NCAPG2: variants seen among roughly 807,000 people sequenced by gnomAD.
NCAPG2 encodes condensin-2 complex subunit G2.
NCAPG2 carries 53 observed loss-of-function variants against 141.1 expected under a neutral mutation model. The observed-to-expected ratio is 0.38, with a 90% CI of 0.30 to 0.47. The LOEUF (loss-of-function observed/expected upper bound fraction) is 0.47, where lower values mean the gene tolerates loss of function less well. Among genes scored for constraint, NCAPG2 ranks in the 20% least tolerant of loss-of-function variants. The pLI, the probability that NCAPG2 is intolerant of heterozygous loss-of-function variation, is 0.99. For synonymous variants in NCAPG2, 499 were observed against 490.7 expected (o/e 1.02, Z -0.22); for missense variants, 1,087 against 1,389.0 (o/e 0.78, Z 3.46).
Position 158,680,766 on chromosome 7 carries a change from C to G in NCAPG2, c.975G>C (p.Glu325Asp), listed in dbSNP as rs182403876. The part of the protein sequence containing the change: ...HQKKVRQGVE[E>D]MLYRLYKPIL... The stretch of plus-strand genomic sequence containing the variant: ...TGGGCTTATATAATCTATAAAGCAT[C>G]TCTTCCACTCCCTGCCGAACTTTCT... Residue 325 changes from glutamate (E) to aspartate (D), a missense_variant, in exon 10 of 28, where the codon GAG (glutamate) becomes GAC (aspartate). Coordinates refer to ENST00000356309, the MANE Select transcript of NCAPG2 (RefSeq NM_017760.7). 2.5e-6 allele frequency: 4 copies of G among 1,605,354 alleles called. No individual in the cohort carries two copies. The highest frequency in any genetic ancestry group is 1.7e-5 in the Admixed American group (1 of 59,386).
chr7:158,635,671 G>A (rs1034407548), intron 27 of NCAPG2, among the ~76,000 whole-genome samples: 3 of 152,026 alleles, frequency 2.0e-5, no homozygotes, highest in Non-Finnish European at 4.4e-5. Context: ...ATGCTATATC[G>A]GATGAGGCAA....
intron 27 of NCAPG2, among the ~76,000 whole-genome samples, chr7:158,643,485 A>G (rs1293255831): frequency 6.6e-6 from 1 of 152,236 alleles, no homozygotes; most frequent in Non-Finnish European, 1.5e-5. Flanking sequence ...CCTACAAACC[A>G]AATTTTCTAG....
At chr7:158,668,488 A>G in intron 13 of NCAPG2, 2 of 895,638 alleles carry the variant, frequency 2.2e-6, no homozygotes, top group African/African-American at 1.8e-5. Context: ...TTTTAGAGAT[A>G]CATTCTGAAA....
intron 27 of NCAPG2, among the ~76,000 whole-genome samples, chr7:158,638,599 A>G (rs999009416): frequency 3.3e-5 from 5 of 151,946 alleles, no homozygotes; most frequent in African/African-American, 1.2e-4. Flanking sequence ...ATTAAAATAA[A>G]AGGGTCAATT....
At chr7:158,655,500 A>G (rs1563516803) in intron 19 of NCAPG2, 45 bp from the exon 20 acceptor site, 3 of 1,467,954 alleles carry the variant, frequency 2.0e-6, no homozygotes, top group Non-Finnish European at 2.9e-6. Context: ...CTGACAAGGC[A>G]CCACCACACC....
intron 24 of NCAPG2, 95 bp from the exon 25 acceptor site, chr7:158,646,658 A>G: frequency 1.4e-6 from 1 of 725,534 alleles, no homozygotes; most frequent in Non-Finnish European, 2.3e-6. Context: ...CCTAAGAAAA[A>G]CTTTCTAGAA....
At position 158,656,440 on chromosome 7, in the gene NCAPG2, GAA is replaced by G. The variant is rs1404084783; in HGVS notation, c.2215-9_2215-8del. The stretch of plus-strand genomic sequence containing the variant: ...CTTTAGAAGCTGTGTTGCTCTGAAA[GAA>G]GAGAGAGAGAAACTGATAATGAAAA... On this transcript the variant is annotated splice_polypyrimidine_tract_variant and splice_region_variant and intron_variant, in intron 18 of 27. Coordinates refer to ENST00000356309, the MANE Select transcript of NCAPG2 (RefSeq NM_017760.7). The G allele has an allele frequency of 5.6e-6, 9 of 1,612,718 alleles. No individual in the cohort carries two copies. The Admixed American group carries it at 1.3e-4, about 24-fold the overall frequency.
At chr7:158,703,403 T>C (rs1230244199) in intron 1 of NCAPG2, among the ~76,000 whole-genome samples, 1 of 152,252 alleles carries the variant, frequency 6.6e-6, no homozygotes, top group Non-Finnish European at 1.5e-5. Flanking sequence ...TTTTCTTGTT[T>C]GCTCTATTTC....
rs775814563 is a variant in NCAPG2 at position 158,664,599 on chromosome 7, A to AC, written c.1630dup (p.Val544GlyfsTer91). On this transcript the variant is annotated frameshift_variant, in exon 14 of 28. Coordinates refer to ENST00000356309, the MANE Select transcript of NCAPG2 (RefSeq NM_017760.7). LOFTEE classifies it high-confidence loss of function. ...CCTGGCAGCGGCGTGGTTCATCTGCACCAGGGTGACACAGCGCTCGCACCA... is the reference window on the plus strand; with the variant it reads ...CCTGGCAGCGGCGTGGTTCATCTGCACCCAGGGTGACACAGCGCTCGCACCA... 4.3e-6 allele frequency: 7 copies of AC among 1,614,058 alleles called. No individual in the cohort carries two copies. The highest frequency in any genetic ancestry group is 1.3e-5 in the African/African-American group (1 of 74,914).
In NCAPG2 at chr7:158,656,293, A is replaced by C; in HGVS notation, c.2355T>G (p.Leu785=). 2 of 1,614,178 alleles carry C rather than the reference A, an allele frequency of 1.2e-6. No homozygotes were observed. Among genetic ancestry groups the C allele is most frequent in the Non-Finnish European group, 1.7e-6 (2 of 1,180,028 alleles). The part of the protein sequence containing the change: ...ECLLSAPRKK[L]NHLLKALETS... ...TTTCAAGGGCTTTCAAAAGATGGTT[A>C]AGTTTCTTCCGAGGAGCAGAGAGCA... Residue 785 remains leucine (L), a synonymous_variant, in exon 19 of 28, where the codon CTT becomes CTG. Transcript: ENST00000356309.
intron 19 of NCAPG2, among the ~76,000 whole-genome samples, chr7:158,655,742 G>GCACGCCGCACCACCCGTCCCCTC (rs1554554673): frequency 6.6e-6 from 1 of 151,832 alleles, no homozygotes; most frequent in African/African-American, 2.4e-5. Flanking sequence ...CTCCCCATCT[G>GCACGCCGCACCACCCGTCCCCTC]CCTGGCTCCA....
Position 158,675,666 on chromosome 7 carries a change from G to C in NCAPG2, c.1147-10C>G, listed in dbSNP as rs1834004979. ...GATCTTCTAAAAGGCTCTATAAGTA[G>C]GAGGGGAGAAAGGCTTAAAAACCTT... is the stretch of plus-strand genomic sequence containing the variant. On this transcript the variant is annotated splice_polypyrimidine_tract_variant and intron_variant, in intron 11 of 27. Coordinates refer to ENST00000356309, the MANE Select transcript of NCAPG2 (RefSeq NM_017760.7). 6.2e-7 allele frequency: 1 copy of C among 1,605,184 alleles called. No individual in the cohort carries two copies. Among genetic ancestry groups the C allele is most frequent in the African/African-American group, 1.3e-5 (1 of 74,332 alleles).
chr7:158,687,880 T>C (rs1226293606), intron 6 of NCAPG2, among the ~76,000 whole-genome samples: 7 of 152,354 alleles, frequency 4.6e-5, no homozygotes, highest in South Asian at 2.1e-4. Flanking sequence ...AGGACTCATA[T>C]AGTTAAAAGG....
intron 12 of NCAPG2, 69 bp from the exon 13 acceptor site, chr7:158,671,735 T>G (rs1833699556): frequency 1.2e-5 from 18 of 1,534,398 alleles, no homozygotes; most frequent in Non-Finnish European, 1.4e-5. Flanking sequence ...GTAGGAAAAC[T>G]TCATTAAAGA....
rs144731376 is a variant in NCAPG2, at chr7:158,699,078, C to T, written c.78+2744G>A. Among the ~76,000 whole-genome samples, 156 of 152,292 alleles carry T rather than the reference C, an allele frequency of 1.0e-3. 2 individuals carry two copies. The highest frequency in any genetic ancestry group is 0.01 in the Middle Eastern group (3 of 294). ...GAATTACAGAGGTGAGTCACTGTGCCCAGCCTCCACCTGCTTTATTATTTC... is the reference window on the plus strand; with the variant it reads ...GAATTACAGAGGTGAGTCACTGTGCTCAGCCTCCACCTGCTTTATTATTTC... On this transcript the variant is annotated intron_variant, in intron 2 of 27. Coordinates refer to ENST00000356309, the MANE Select transcript of NCAPG2 (RefSeq NM_017760.7).
At chr7:158,676,880 A>G (rs1834083260) in intron 11 of NCAPG2, among the ~76,000 whole-genome samples, 1 of 152,166 alleles carries the variant, frequency 6.6e-6, no homozygotes, top group African/African-American at 2.4e-5. Flanking sequence ...AAAGACTGAG[A>G]AATTTCTGTA....
rs1482798421 is a variant in NCAPG2, at chr7:158,692,972, C to A, written c.268-16G>T. 2 of 1,442,636 alleles carry A rather than the reference C, an allele frequency of 1.4e-6. No homozygotes were observed. The highest frequency in any genetic ancestry group is 1.4e-5 in the African/African-American group (1 of 70,004). 89.4% of individuals were successfully genotyped at this position (1,442,636 alleles called of 1,614,324 possible). A position where few individuals can be genotyped will look rare whatever the true frequency, so the allele number is the denominator to read the frequency against. On this transcript the variant is annotated splice_polypyrimidine_tract_variant and intron_variant, in intron 3 of 27. Coordinates refer to ENST00000356309, the MANE Select transcript of NCAPG2 (RefSeq NM_017760.7). Reference sequence around the variant, plus strand: ...TGCTTTTTCTCTATAAATGAAAAATCAAAGCATGAGTGAATTAAAATCATC... The same window carrying A: ...TGCTTTTTCTCTATAAATGAAAAATAAAAGCATGAGTGAATTAAAATCATC...
intron 13 of NCAPG2, among the ~76,000 whole-genome samples, chr7:158,666,766 A>T (rs3793178): frequency 0.31 from 47,168 of 151,790 alleles, 7,565 homozygotes; most frequent in East Asian, 0.4. Context: ...GTCTCAAAAA[A>T]AAATAAATAA....
chr7:158,680,622 T>C (rs1052756173), intron 10 of NCAPG2, 99 bp downstream of exon 10: 23 of 706,470 alleles, frequency 3.3e-5, no homozygotes, highest in Non-Finnish European at 4.5e-5. Flanking sequence ...TCTTCAGCCT[T>C]ATCTTTACTA....
Sources: allele counts gnomAD v4.1 joint callset (sites outside exome capture counted in the v4.1 genomes callset), GRCh38; gene constraint gnomAD v4.1.1; transcripts MANE v1.5; gene names NCBI Gene and HGNC (gene_info 2026-07-23, HGNC 2026-07-21).